NTNG2: variants seen among roughly 807,000 people sequenced by gnomAD.
NTNG2 encodes the protein netrin-G2.
NTNG2 carries 15 observed loss-of-function variants against 47.6 expected under a neutral mutation model. The observed-to-expected ratio is 0.32, with a 90% CI of 0.21 to 0.49. The LOEUF is 0.49. Among genes scored for constraint, NTNG2 ranks in the 20% least tolerant of loss-of-function variants. NTNG2 has a pLI of 0.99. For missense variants in NTNG2, 578 were observed against 764.6 expected (o/e 0.76, Z 2.88); for synonymous variants, 307 against 324.6 (o/e 0.95, Z 0.58).
At chr9:132,200,184 A>C (rs942337933) in intron 3 of NTNG2, among the ~76,000 whole-genome samples, 2 of 152,332 alleles carry the variant, frequency 1.3e-5, no homozygotes, top group South Asian at 4.1e-4. Flanking sequence ...ATTGGACAAA[A>C]TAATGGAGTG....
intron 3 of NTNG2, among the ~76,000 whole-genome samples, chr9:132,211,070 G>C (rs980303871): frequency 1.3e-5 from 2 of 152,172 alleles, no homozygotes; most frequent in African/African-American, 4.8e-5. Context: ...GGACCCACAG[G>C]GTGAGCGGAG....
rs1444286571 is a variant in NTNG2 at position 132,236,864 on chromosome 9, G to A, written c.1055-2240G>A. Among the ~76,000 whole-genome samples, 4 of 152,238 alleles carry A rather than the reference G, an allele frequency of 2.6e-5. No individual in the cohort carries two copies. Among genetic ancestry groups the A allele is most frequent in the Non-Finnish European group, 4.4e-5 (3 of 68,048 alleles). ...GTGTTCCTGGCTTGACAGCACTTGC[G>A]AGTGGGACTCCAGGGACAGCGAAGG... On this transcript the variant is annotated intron_variant, in intron 5 of 7. Coordinates refer to ENST00000393229, the MANE Select transcript of NTNG2 (RefSeq NM_032536.4). This position sits in a 1 kb window ranked among gnomAD's most constrained non-coding sequence, Gnocchi z 4.3.
In NTNG2 at chr9:132,162,535, A is replaced by AGGTGTGAGAGTGT. The variant is rs1554775799; in HGVS notation, c.-484+297_-484+298insGTGTGAGAGTGTG. Among the ~76,000 whole-genome samples the AGGTGTGAGAGTGT allele has an allele frequency of 1.3e-5, 1 of 78,236 alleles. No homozygotes were observed. The highest frequency in any genetic ancestry group is 5.8e-5 in the African/African-American group (1 of 17,148). The allele number at this position is 78,236 out of a possible 152,430, so 51.3% of individuals were successfully genotyped here. ...GGGTCCTTTCCGTCGTGTGTGTGAG[A>AGGTGTGAGAGTGT]GTGTGTGTGTGTGTGTGTGTGAGAG... is the stretch of plus-strand genomic sequence containing the variant. On this transcript the variant is annotated intron_variant, in intron 1 of 7. Coordinates refer to ENST00000393229, the MANE Select transcript of NTNG2 (RefSeq NM_032536.4). The surrounding 1 kb of genome is among the most constrained non-coding windows in gnomAD (Gnocchi z 4.6).
At chr9:132,228,508 G>A (rs372331146) in intron 4 of NTNG2, among the ~76,000 whole-genome samples, 10 of 150,798 alleles carry the variant, frequency 6.6e-5, no homozygotes, top group East Asian at 2.0e-4. Flanking sequence ...CCTGAGGGCC[G>A]CTCTCTCTTC....
intron 3 of NTNG2, among the ~76,000 whole-genome samples, chr9:132,202,117 G>C (rs1371561138): frequency 6.6e-6 from 1 of 152,356 alleles, no homozygotes; most frequent in East Asian, 1.9e-4. Context: ...AGCTCAGGTA[G>C]CCTGTATGAT....
At chr9:132,217,214 G>A (rs1002148815) in intron 3 of NTNG2, among the ~76,000 whole-genome samples, 1 of 152,358 alleles carries the variant, frequency 6.6e-6, no homozygotes, top group East Asian at 1.9e-4. Context: ...GTCTGTCCAC[G>A]TAGGAGCACT....
chr9:132,235,203 C>A (rs1841528862), intron 5 of NTNG2, among the ~76,000 whole-genome samples: 1 of 152,198 alleles, frequency 6.6e-6, no homozygotes, highest in Admixed American at 6.5e-5. Flanking sequence ...AGGAAGGACA[C>A]CTTCCAGGAC....
chr9:132,179,634 C>T (rs1836776444), intron 2 of NTNG2, among the ~76,000 whole-genome samples: 1 of 152,228 alleles, frequency 6.6e-6, no homozygotes, highest in Non-Finnish European at 1.5e-5. Flanking sequence ...TAGTGCCATG[C>T]ACCGGTGGCA....
chr9:132,204,257 C>A (rs1838998960), intron 3 of NTNG2, among the ~76,000 whole-genome samples: 1 of 152,208 alleles, frequency 6.6e-6, no homozygotes, highest in Non-Finnish European at 1.5e-5. Flanking sequence ...CTTCCCCAGA[C>A]CCTGTGGGGG....
Position 132,198,389 on chromosome 9 carries a change from T to G in NTNG2, c.637T>G (p.Phe213Val). 1 of 1,613,002 alleles carries G rather than the reference T, an allele frequency of 6.2e-7. No homozygotes were observed. Among genetic ancestry groups the G allele is most frequent in the Non-Finnish European group, 8.5e-7 (1 of 1,179,964 alleles). ...AGSKKEKHVR[F>V]EVRDRFAIFA... The stretch of plus-strand genomic sequence containing the variant: ...CTCCAAGAAGGAGAAGCACGTGCGC[T>G]TCGAGGTGCGGGACCGCTTCGCCAT... The change falls in exon 3 of 8, where the codon TTC becomes GTC. Residue 213 changes from phenylalanine (F) to valine (V), a missense_variant. By Grantham distance (50) the Phe-to-Val change is conservative (BLOSUM62 -1). Coordinates refer to ENST00000393229, the MANE Select transcript of NTNG2 (RefSeq NM_032536.4).
chr9:132,201,881 C>T (rs1469334015), intron 3 of NTNG2, among the ~76,000 whole-genome samples: 1 of 152,138 alleles, frequency 6.6e-6, no homozygotes, highest in Non-Finnish European at 1.5e-5. Context: ...TGGAGCGCTC[C>T]CCGCGGGGGC....
rs1434109213 is a variant in NTNG2, at chr9:132,241,060, C to T, written c.1357+16C>T. On this transcript the variant is annotated intron_variant, in intron 7 of 7. Transcript: ENST00000393229. ...GGCTGCTACCGTGAGTGCGCGCCGT[C>T]CCCCGTGGGCGGGGCCTGCGGAAAG... is the stretch of plus-strand genomic sequence containing the variant. 8.2e-6 allele frequency: 13 copies of T among 1,583,542 alleles called. No individual in the cohort carries two copies. The Admixed American group carries it at 2.2e-4, about 27-fold the overall frequency.
chr9:132,231,447 C>A lies in NTNG2; in HGVS notation c.1054+852C>A. On this transcript the variant is annotated intron_variant, in intron 5 of 7. Transcript: ENST00000393229. The surrounding 1 kb of genome is among the most constrained non-coding windows in gnomAD (Gnocchi z 4.1). The stretch of plus-strand genomic sequence containing the variant: ...CACCCTCCACCAGGGCTCTGTGGGG[C>A]CCCACATCCCACCCAAGTTGTCCCT... The A allele has an allele frequency of 2.5e-6, 1 of 406,222 alleles. No individual in the cohort carries two copies. The highest frequency in any genetic ancestry group is 4.9e-6 in the Non-Finnish European group (1 of 202,326). The allele number at this position is 406,222 out of a possible 1,614,324, so 25.2% of individuals were successfully genotyped here.
rs1247026951 is a variant in NTNG2 at position 132,162,569 on chromosome 9, A to AGAGAGTGTGT, written c.-484+331_-484+332insAGAGTGTGTG. Reference sequence around the variant, plus strand: ...GTGTGTGTGTGTGAGAGAGAGACAGAGTGTGTGTGTGTGTGTGTGTGTGTG... The same window carrying AGAGAGTGTGT: ...GTGTGTGTGTGTGAGAGAGAGACAGAGAGAGTGTGTGTGTGTGTGTGTGTGTGTGTGTGTG... On this transcript the variant is annotated intron_variant, in intron 1 of 7. Transcript: ENST00000393229. This position sits in a 1 kb window ranked among gnomAD's most constrained non-coding sequence, Gnocchi z 4.6. Among the ~76,000 whole-genome samples, 2 of 112,404 alleles carry AGAGAGTGTGT rather than the reference A, an allele frequency of 1.8e-5. No individual in the cohort carries two copies. Among genetic ancestry groups the AGAGAGTGTGT allele is most frequent in the Admixed American group, 9.2e-5 (1 of 10,924 alleles). 73.7% of individuals were successfully genotyped at this position (112,404 alleles called of 152,430 possible). A position where few individuals can be genotyped will look rare whatever the true frequency, so the allele number is the denominator to read the frequency against.
At chr9:132,230,494 G>C in intron 4 of NTNG2, 78 bp from the exon 5 acceptor site, 1 of 1,404,798 alleles carries the variant, frequency 7.1e-7, no homozygotes, top group Non-Finnish European at 9.9e-7. Flanking sequence ...CCCCTGCCCT[G>C]CTGGCCCCTC....
At chr9:132,225,330 G>A (rs1192832491) in intron 3 of NTNG2, among the ~76,000 whole-genome samples, 2 of 152,076 alleles carry the variant, frequency 1.3e-5, no homozygotes, top group South Asian at 2.1e-4. Context: ...GAGTGCAGTG[G>A]TGCAAACATG....
chr9:132,240,772 G>C, intron 6 of NTNG2, 138 bp from the exon 7 acceptor site: 1 of 1,322,638 alleles, frequency 7.6e-7, no homozygotes, highest in South Asian at 1.3e-5. Flanking sequence ...GTCCAGCCGC[G>C]GGCTCACGTG....
In NTNG2 at chr9:132,162,522, T is replaced by G. The variant is rs990868181; in HGVS notation, c.-484+283T>G. Among the ~76,000 whole-genome samples, 1 of 139,832 alleles carries G rather than the reference T, an allele frequency of 7.2e-6. No individual in the cohort carries two copies. The highest frequency in any genetic ancestry group is 2.8e-5 in the African/African-American group (1 of 36,294). 91.7% of individuals were successfully genotyped at this position (139,832 alleles called of 152,430 possible). A position where few individuals can be genotyped will look rare whatever the true frequency, so the allele number is the denominator to read the frequency against. The stretch of plus-strand genomic sequence containing the variant: ...GCCAGCTTCCCCCGGGTCCTTTCCG[T>G]CGTGTGTGTGAGAGTGTGTGTGTGT... On this transcript the variant is annotated intron_variant, in intron 1 of 7. Transcript: ENST00000393229. The surrounding 1 kb of genome is among the most constrained non-coding windows in gnomAD (Gnocchi z 4.6).
At chr9:132,190,232 C>CAAAA (rs58974463) in intron 2 of NTNG2, among the ~76,000 whole-genome samples, 17 of 69,912 alleles carry the variant, frequency 2.4e-4, no homozygotes, top group African/African-American at 7.3e-4. Context: ...GACTCCATCT[C>CAAAA]AAAAAAAAAA....
Sources: gnomAD v4.1 joint callset for allele counts (sites outside exome capture counted in the v4.1 genomes callset) on GRCh38, gnomAD v4.1.1 for gene constraint, Gnocchi (gnomAD v3.1) non-coding constraint, MANE v1.5 for transcripts, NCBI Gene and HGNC (gene_info 2026-07-23, HGNC 2026-07-21) for gene names.